STAU1: variants seen among roughly 807,000 people sequenced by gnomAD.
STAU1 encodes staufen double-stranded RNA binding protein 1, also known as double-stranded RNA-binding protein Staufen homolog 1.
In STAU1, 13 loss-of-function variants were observed where a neutral mutation model predicts 62.9. That is an observed-to-expected ratio of 0.21 (90% CI 0.13 to 0.33). STAU1 has a LOEUF of 0.33. STAU1 is among the 10% of genes least tolerant of loss of function. The pLI, the probability that STAU1 is intolerant of heterozygous loss-of-function variation, is 1.00. For synonymous variants in STAU1, 269 were observed against 265.1 expected (o/e 1.01, Z -0.14); for missense variants, 571 against 712.1 (o/e 0.80, Z 2.25).
intron 2 of STAU1, among the ~76,000 whole-genome samples, chr20:49,166,843 A>G (rs1299265540): frequency 6.6e-6 from 1 of 152,130 alleles, no homozygotes; most frequent in East Asian, 1.9e-4. Context: ...TGAGAGATGT[A>G]TTGTTTTCCT....
chr20:49,120,238 A>G (rs2092434579), intron 8 of STAU1, 110 bp from the exon 9 acceptor site: 4 of 1,294,250 alleles, frequency 3.1e-6, no homozygotes, highest in Non-Finnish European at 4.2e-6. Flanking sequence ...GCAAGATAAC[A>G]GCAGTGCCCC....
chr20:49,153,463 T>A (rs1244190819), intron 4 of STAU1, among the ~76,000 whole-genome samples: 1 of 149,302 alleles, frequency 6.7e-6, no homozygotes, highest in East Asian at 2.0e-4. Flanking sequence ...CCCAGCACTT[T>A]GGGAGGCCAA....
At chr20:49,140,531 C>A (rs529004888) in intron 5 of STAU1, among the ~76,000 whole-genome samples, 1 of 151,842 alleles carries the variant, frequency 6.6e-6, no homozygotes, top group Non-Finnish European at 1.5e-5. Flanking sequence ...GAAAACATTA[C>A]AGTAAGTAAC....
At chr20:49,157,270 G>A (rs1166698146) in intron 3 of STAU1, among the ~76,000 whole-genome samples, 1 of 152,186 alleles carries the variant, frequency 6.6e-6, no homozygotes, top group Non-Finnish European at 1.5e-5. Context: ...GACAATGTTT[G>A]TTTTGATGCT....
chr20:49,174,769 C>CT (rs1051513232), intron 1 of STAU1, among the ~76,000 whole-genome samples: 3 of 152,244 alleles, frequency 2.0e-5, no homozygotes, highest in African/African-American at 7.2e-5. Context: ...AACTCCGTCT[C>CT]TACTAAATGT....
At chr20:49,188,654 C>T (rs993455443), upstream of STAU1, among the ~76,000 whole-genome samples, 3 of 152,250 alleles carry the variant, frequency 2.0e-5, no homozygotes, top group African/African-American at 7.2e-5. Flanking sequence ...ACCTTCTTTC[C>T]TCCTCCACTT....
At chr20:49,153,540 T>C (rs1164475214) in intron 4 of STAU1, among the ~76,000 whole-genome samples, 2 of 134,002 alleles carry the variant, frequency 1.5e-5, no homozygotes, top group African/African-American at 2.7e-5. Flanking sequence ...ACCCCGTCTC[T>C]ACTAAAAAAT....
chr20:49,161,674 C>T (rs1426065262), intron 3 of STAU1, among the ~76,000 whole-genome samples: 2 of 152,096 alleles, frequency 1.3e-5, no homozygotes, highest in African/African-American at 2.4e-5. Flanking sequence ...ATGGGGTTCG[C>T]CACATGAGAA....
chr20:49,210,406 G>A, the STAU1 span: 1 of 455,848 alleles, frequency 2.2e-6, no homozygotes, highest in Non-Finnish European at 4.4e-6. Flanking sequence ...GGGGGCAAAT[G>A]TGTTTCTTAG....
At chr20:49,147,490 T>C (rs1243242824) in intron 5 of STAU1, among the ~76,000 whole-genome samples, 2 of 152,226 alleles carry the variant, frequency 1.3e-5, no homozygotes, top group Admixed American at 6.5e-5. Context: ...TCATTTCCAA[T>C]GCTGGCAGGC....
At chr20:49,146,667 C>T (rs61624297) in intron 5 of STAU1, among the ~76,000 whole-genome samples, 6,396 of 150,332 alleles carry the variant, frequency 0.043, 446 homozygotes, top group African/African-American at 0.15. Flanking sequence ...GGAGGGCCTC[C>T]GCACTCCAGC....
intron 5 of STAU1, among the ~76,000 whole-genome samples, chr20:49,145,922 A>T (rs1194867752): frequency 6.6e-6 from 1 of 151,574 alleles, no homozygotes; most frequent in Non-Finnish European, 1.5e-5. Flanking sequence ...AAAATAAAAA[A>T]GAAAAAGAAA....
At chr20:49,187,227 G>A (rs2093798942) in intron 1 of STAU1, among the ~76,000 whole-genome samples, 1 of 152,140 alleles carries the variant, frequency 6.6e-6, no homozygotes, top group African/African-American at 2.4e-5. Context: ...GGGGCGGGGA[G>A]AAATGGACAG....
chr20:49,135,310 T>C (rs2146031006), intron 6 of STAU1, among the ~76,000 whole-genome samples: 1 of 152,372 alleles, frequency 6.6e-6, no homozygotes, highest in Non-Finnish European at 1.5e-5. Flanking sequence ...AGGCAACATA[T>C]ATTAAAATGT....
At chr20:49,123,026 C>A (rs2092502698) in intron 8 of STAU1, 66 bp downstream of exon 8, 1 of 1,488,358 alleles carries the variant, frequency 6.7e-7, no homozygotes, top group South Asian at 1.4e-5. Flanking sequence ...AGACCTTGAA[C>A]CGCCATCAGC....
the STAU1 span, among the ~76,000 whole-genome samples, chr20:49,193,856 C>G: frequency 3.9e-5 from 6 of 152,170 alleles, no homozygotes; most frequent in South Asian, 1.2e-3. Context: ...GTAGTCCCAG[C>G]TACTCAGGAG....
intron 3 of STAU1, among the ~76,000 whole-genome samples, chr20:49,156,429 A>G (rs1238676453): frequency 6.6e-6 from 1 of 152,176 alleles, no homozygotes; most frequent in African/African-American, 2.4e-5. Context: ...TTCAAAATCA[A>G]CAAGTTAAGA....
the STAU1 span, among the ~76,000 whole-genome samples, chr20:49,218,296 C>T: frequency 6.6e-6 from 1 of 150,558 alleles, no homozygotes; most frequent in African/African-American, 2.5e-5. Flanking sequence ...ACGATCTCGG[C>T]TCACTGCAAG....
intron 1 of STAU1, among the ~76,000 whole-genome samples, chr20:49,182,886 G>A (rs1473837966): frequency 1.3e-5 from 2 of 151,832 alleles, no homozygotes; most frequent in African/African-American, 4.8e-5. Context: ...CATGAAACAG[G>A]GAGGCAAAAA....
Sources: gnomAD v4.1 joint callset for allele counts (sites outside exome capture counted in the v4.1 genomes callset) on GRCh38, gnomAD v4.1.1 for gene constraint, MANE v1.5 for transcripts, NCBI Gene and HGNC (gene_info 2026-07-23, HGNC 2026-07-21) for gene names.